The following SPATA16 variants were observed in gnomAD, a reference collection of about 807,000 sequenced individuals.
SPATA16 encodes the protein spermatogenesis-associated protein 16.
A neutral mutation model predicts 63.3 loss-of-function variants in SPATA16; 36 were observed. The ratio of observed to expected loss-of-function variants is 0.57; its 90% CI spans 0.44 to 0.75. The LOEUF is 0.75. Ranked by LOEUF, SPATA16 falls within the 30% of genes least tolerant of loss-of-function variation. The probability of loss-of-function intolerance (pLI) is 0.00; values close to 1 mark genes in which losing one functional copy is unlikely to be tolerated. For missense variants in SPATA16, 646 were observed against 679.3 expected, an observed-to-expected ratio of 0.95 and a Z score of 0.54; for synonymous variants, 203 against 216.7, an observed-to-expected ratio of 0.94 and a Z score of 0.56.
At chr3:172,901,893 CT>C (rs1732133783) in intron 10 of SPATA16, among the ~76,000 whole-genome samples, 1 of 152,126 alleles carries the variant, frequency 6.6e-6, no homozygotes, top group Non-Finnish European at 1.5e-5. Flanking sequence ...AAAATCCTGA[CT>C]TTCTACCAGG....
At chr3:173,092,374 A>G (rs1191219563) in intron 2 of SPATA16, among the ~76,000 whole-genome samples, 1 of 152,192 alleles carries the variant, frequency 6.6e-6, no homozygotes, top group Non-Finnish European at 1.5e-5. Flanking sequence ...AAAGATGTCT[A>G]TATCCTACTC....
chr3:172,983,315 C>G (rs1318752171), intron 4 of SPATA16, among the ~76,000 whole-genome samples: 2 of 149,756 alleles, frequency 1.3e-5, no homozygotes, highest in Non-Finnish European at 2.9e-5. Flanking sequence ...CCATCTTTCT[C>G]CAAGTGACCT....
At chr3:173,025,998 C>T (rs996896637) in intron 3 of SPATA16, among the ~76,000 whole-genome samples, 2 of 151,972 alleles carry the variant, frequency 1.3e-5, no homozygotes, top group African/African-American at 4.8e-5. Context: ...AACTCCTAAA[C>T]GTCTTTCCAA....
chr3:172,955,840 T>A (rs1733579995), intron 6 of SPATA16, among the ~76,000 whole-genome samples: 1 of 152,160 alleles, frequency 6.6e-6, no homozygotes, highest in Non-Finnish European at 1.5e-5. Flanking sequence ...CCTTACCTCA[T>A]TGATTATGGG....
At chr3:172,986,115 G>A (rs1354435238) in intron 4 of SPATA16, among the ~76,000 whole-genome samples, 1 of 152,170 alleles carries the variant, frequency 6.6e-6, no homozygotes, top group African/African-American at 2.4e-5. Context: ...TTAGGTATGG[G>A]TTTGTAAGTG....
chr3:172,906,056 T>G (rs981153190), intron 10 of SPATA16, among the ~76,000 whole-genome samples: 1 of 152,236 alleles, frequency 6.6e-6, no homozygotes, highest in Non-Finnish European at 1.5e-5. Context: ...GCAAATAACT[T>G]TTTCTTCTTA....
intron 4 of SPATA16, among the ~76,000 whole-genome samples, chr3:173,010,182 G>T (rs907935257): frequency 1.3e-5 from 2 of 152,196 alleles, no homozygotes; most frequent in Non-Finnish European, 2.9e-5. Flanking sequence ...ACTCTGGTTG[G>T]CTGCAGCTCT....
chr3:173,022,098 A>G lies in SPATA16; in HGVS notation c.759-2523T>C, dbSNP rs150493308. On this transcript the variant is annotated intron_variant, in intron 3 of 10. Transcript: ENST00000351008. The stretch of plus-strand genomic sequence containing the variant: ...AAGGCATCAGAGTTGCTTTGGATGT[A>G]GGCAGAGAAGATTTTTGTGAGTAGT... 3.6e-3 allele frequency among the ~76,000 whole-genome samples: 553 copies of G among 152,218 alleles called. 21 individuals are homozygous for G. Among genetic ancestry groups the G allele is most frequent in the Admixed American group, 0.034 (522 of 15,258 alleles).
At chr3:172,909,373 G>A (rs181646758) in intron 10 of SPATA16, among the ~76,000 whole-genome samples, 20 of 152,286 alleles carry the variant, frequency 1.3e-4, no homozygotes, top group African/African-American at 3.8e-4. Flanking sequence ...AGTGGAATGT[G>A]GTGGGATTTG....
chr3:172,989,022 G>C (rs957947513), intron 4 of SPATA16, among the ~76,000 whole-genome samples: 1 of 152,180 alleles, frequency 6.6e-6, no homozygotes, highest in Admixed American at 6.5e-5. Flanking sequence ...GAATTATGAT[G>C]TGCTTAAACT....
At chr3:173,060,872 G>A (rs1409317615) in intron 2 of SPATA16, among the ~76,000 whole-genome samples, 2 of 152,086 alleles carry the variant, frequency 1.3e-5, no homozygotes, top group African/African-American at 4.8e-5. Flanking sequence ...TATGGTTTCC[G>A]GATTCCAGTT....
At chr3:173,130,375 A>AAAAAAAAAG (rs1560133973) in intron 1 of SPATA16, among the ~76,000 whole-genome samples, 3 of 151,040 alleles carry the variant, frequency 2.0e-5, no homozygotes, top group African/African-American at 7.3e-5. Context: ...AAAAAAAAAA[A>AAAAAAAAAG]AAAAAAAAGA....
intron 2 of SPATA16, among the ~76,000 whole-genome samples, chr3:173,088,453 T>C (rs1386479324): frequency 6.6e-6 from 1 of 152,178 alleles, no homozygotes; most frequent in Non-Finnish European, 1.5e-5. Context: ...CTGTATACCT[T>C]GATGTAGCTT....
At chr3:172,959,182 C>G (rs1733677499) in intron 5 of SPATA16, among the ~76,000 whole-genome samples, 2 of 152,232 alleles carry the variant, frequency 1.3e-5, no homozygotes, top group Non-Finnish European at 2.9e-5. Context: ...TCTCTCCACC[C>G]CATTTCTTTT....
chr3:173,048,473 C>T (rs1440447298), intron 3 of SPATA16, among the ~76,000 whole-genome samples: 1 of 151,978 alleles, frequency 6.6e-6, no homozygotes, highest in Non-Finnish European at 1.5e-5. Context: ...ATTTTAAGGA[C>T]AGAGATAAAA....
At chr3:173,086,930 G>A (rs768435757) in intron 2 of SPATA16, among the ~76,000 whole-genome samples, 17 of 152,146 alleles carry the variant, frequency 1.1e-4, no homozygotes, top group Non-Finnish European at 2.2e-4. Flanking sequence ...CATTTGCTGA[G>A]GAGTGTTTTA....
At chr3:173,059,992 C>T (rs1264574660) in intron 2 of SPATA16, among the ~76,000 whole-genome samples, 2 of 152,048 alleles carry the variant, frequency 1.3e-5, no homozygotes. Context: ...CACAGTGGCT[C>T]ATGCCTGTAA....
chr3:173,012,076 C>T (rs554788802), intron 4 of SPATA16, among the ~76,000 whole-genome samples: 72 of 152,270 alleles, frequency 4.7e-4, no homozygotes, highest in Non-Finnish European at 3.1e-4. Flanking sequence ...CCTCCCATTT[C>T]GGCTTCTTAA....
intron 8 of SPATA16, among the ~76,000 whole-genome samples, chr3:172,917,328 T>C (rs1577088485): frequency 6.6e-6 from 1 of 152,192 alleles, no homozygotes; most frequent in Admixed American, 6.5e-5. Context: ...ACTTTTGATT[T>C]GGGGGTATAT....
Sources: allele counts gnomAD v4.1 joint callset (sites outside exome capture counted in the v4.1 genomes callset), GRCh38; gene constraint gnomAD v4.1.1; transcripts MANE v1.5; gene names NCBI Gene and HGNC (gene_info 2026-07-23, HGNC 2026-07-21).